The following LDLRAD4 variants were observed in gnomAD, a reference collection of about 807,000 sequenced individuals.
LDLRAD4 encodes low density lipoprotein receptor class A domain containing 4.
Under a neutral mutation model 17.0 loss-of-function variants are expected in LDLRAD4, and 5 were observed. The ratio of observed to expected loss-of-function variants is 0.29; its 90% CI spans 0.15 to 0.62. The LOEUF (loss-of-function observed/expected upper bound fraction) is 0.62. Among genes scored for constraint, LDLRAD4 ranks in the 20% least tolerant of loss-of-function variants. LDLRAD4 has a pLI of 0.84. For synonymous variants in LDLRAD4, 168 were observed against 171.8 expected (o/e 0.98, Z 0.17); for missense variants, 340 against 424.7 (o/e 0.80, Z 1.75).
At chr18:13,227,028 T>C (rs1034110925) in intron 1 of LDLRAD4, among the ~76,000 whole-genome samples, 1 of 152,158 alleles carries the variant, frequency 6.6e-6, no homozygotes, top group African/African-American at 2.4e-5. Flanking sequence ...CTCACACTCT[T>C]TGCTAGTCTT....
chr18:13,574,016 A>T (rs77758716), intron 3 of LDLRAD4, among the ~76,000 whole-genome samples: 1 of 152,110 alleles, frequency 6.6e-6, no homozygotes, highest in African/African-American at 2.4e-5. Context: ...ATGCATAGCG[A>T]TGGATACAGA....
chr18:13,397,492 C>A (rs2086798661), intron 2 of LDLRAD4, among the ~76,000 whole-genome samples: 1 of 152,180 alleles, frequency 6.6e-6, no homozygotes, highest in South Asian at 2.1e-4. Flanking sequence ...ATCTTGTATT[C>A]CTGACCTCAA....
intron 1 of LDLRAD4, among the ~76,000 whole-genome samples, chr18:13,321,861 CAAAAAAA>C (rs57033432): frequency 3.2e-5 from 2 of 62,140 alleles, no homozygotes; most frequent in African/African-American, 1.3e-4. Flanking sequence ...GACTCCGTCT[CAAAAAAA>C]AAAAAAAAAA....
chr18:13,451,285 G>A (rs151245963), intron 3 of LDLRAD4, among the ~76,000 whole-genome samples: 305 of 152,282 alleles, frequency 2.0e-3, no homozygotes, highest in Non-Finnish European at 3.5e-3. Flanking sequence ...GGGGCCAGGC[G>A]GGAGGTGTTT....
At chr18:13,427,760 G>A (rs1157064305) in intron 2 of LDLRAD4, among the ~76,000 whole-genome samples, 4 of 152,180 alleles carry the variant, frequency 2.6e-5, no homozygotes, top group Non-Finnish European at 5.9e-5. Context: ...AAACCATGTG[G>A]CCAGTAACTT....
chr18:13,507,832 C>T (rs1161547483), intron 3 of LDLRAD4, among the ~76,000 whole-genome samples: 1 of 152,182 alleles, frequency 6.6e-6, no homozygotes, highest in East Asian at 1.9e-4. Context: ...AATAACCCTA[C>T]CGTGGCCTCT....
At chr18:13,366,962 A>T (rs2084101506) in intron 1 of LDLRAD4, among the ~76,000 whole-genome samples, 1 of 152,222 alleles carries the variant, frequency 6.6e-6, no homozygotes, top group South Asian at 2.1e-4. Context: ...AAAATAAATA[A>T]ATACATAAAA....
chr18:13,545,076 G>A (rs1327642451), intron 3 of LDLRAD4, among the ~76,000 whole-genome samples: 1 of 152,106 alleles, frequency 6.6e-6, no homozygotes, highest in Non-Finnish European at 1.5e-5. Context: ...TTATCCAGTG[G>A]TGCTCCCCAG....
At chr18:13,556,659 G>A (rs568005474) in intron 3 of LDLRAD4, among the ~76,000 whole-genome samples, 1 of 152,328 alleles carries the variant, frequency 6.6e-6, no homozygotes, top group Non-Finnish European at 1.5e-5. Flanking sequence ...TTGAGGGAAA[G>A]GGAGTGTCCA....
At chr18:13,548,027 A>G (rs1285375329) in intron 3 of LDLRAD4, among the ~76,000 whole-genome samples, 1 of 152,158 alleles carries the variant, frequency 6.6e-6, no homozygotes, top group Non-Finnish European at 1.5e-5. Flanking sequence ...GAGTGACAGT[A>G]TAGTTCTCAT....
intron 1 of LDLRAD4, among the ~76,000 whole-genome samples, chr18:13,291,791 TTGAGCG>T (rs1227395108): frequency 6.6e-6 from 1 of 152,230 alleles, no homozygotes; most frequent in Non-Finnish European, 1.5e-5. Flanking sequence ...TCTTGCATTC[TTGAGCG>T]TACAATTTTT....
chr18:13,424,400 G>T (rs530321038), intron 2 of LDLRAD4, among the ~76,000 whole-genome samples: 1 of 152,172 alleles, frequency 6.6e-6, no homozygotes, highest in South Asian at 2.1e-4. Context: ...ACAAGTGAAA[G>T]AAACAAAACT....
chr18:13,420,150 G>A (rs896316850), intron 2 of LDLRAD4: 14 of 152,138 alleles, frequency 9.2e-5, no homozygotes, highest in African/African-American at 3.4e-4. Context: ...TAAAGCACAC[G>A]GGCCTTAATT....
chr18:13,398,211 T>C lies in LDLRAD4; in HGVS notation c.40+10449T>C, dbSNP rs12966570. Among the ~76,000 whole-genome samples the C allele has an allele frequency of 0.039, 5,908 of 152,168 alleles. 168 individuals carry two copies. The highest frequency in any genetic ancestry group is 0.12 in the East Asian group (609 of 5,172). Reference sequence around the variant, plus strand: ...GCTGAAGCGCCGAACCCAACGCAAATACTAAGCATTTGATGGGGTTGTCTG... The same window carrying C: ...GCTGAAGCGCCGAACCCAACGCAAACACTAAGCATTTGATGGGGTTGTCTG... On this transcript the variant is annotated intron_variant, in intron 2 of 5. Transcript: ENST00000359446. The surrounding 1 kb of genome is among the most constrained non-coding windows in gnomAD (Gnocchi z 4.8).
chr18:13,546,955 A>G (rs1601285606), intron 3 of LDLRAD4, among the ~76,000 whole-genome samples: 1 of 152,186 alleles, frequency 6.6e-6, no homozygotes, highest in South Asian at 2.1e-4. Flanking sequence ...TTCATTTACA[A>G]CACTTGAGAT....
intron 1 of LDLRAD4, among the ~76,000 whole-genome samples, chr18:13,305,845 G>A (rs1436794896): frequency 1.3e-5 from 2 of 152,170 alleles, no homozygotes; most frequent in African/African-American, 4.8e-5. Flanking sequence ...TATTGAAAAT[G>A]CAGCTTTTAT....
At chr18:13,329,959 C>T (rs1180980398) in intron 1 of LDLRAD4, among the ~76,000 whole-genome samples, 1 of 148,334 alleles carries the variant, frequency 6.7e-6, no homozygotes, top group East Asian at 2.0e-4. Flanking sequence ...CCACTCCCTC[C>T]AATTTTTTTT....
chr18:13,389,609 T>C (rs1244734146), intron 2 of LDLRAD4, among the ~76,000 whole-genome samples: 1 of 152,162 alleles, frequency 6.6e-6, no homozygotes, highest in African/African-American at 2.4e-5. Flanking sequence ...CTTAGGAAGC[T>C]GCCCTGACCA....
chr18:13,509,283 C>G (rs1357774070), intron 3 of LDLRAD4, among the ~76,000 whole-genome samples: 1 of 152,230 alleles, frequency 6.6e-6, no homozygotes, highest in African/African-American at 2.4e-5. Context: ...CACTGCACTC[C>G]AGCCTTGACA....
Sources: gnomAD v4.1 joint callset for allele counts (sites outside exome capture counted in the v4.1 genomes callset) on GRCh38, gnomAD v4.1.1 for gene constraint, Gnocchi (gnomAD v3.1) non-coding constraint, MANE v1.5 for transcripts, NCBI Gene and HGNC (gene_info 2026-07-23, HGNC 2026-07-21) for gene names.